The following GLOD4 variants were observed in gnomAD, a reference collection of about 807,000 sequenced individuals.
The protein encoded by GLOD4 is glyoxalase domain containing 4, also known as glyoxalase domain-containing protein 4.
GLOD4 carries 44 observed loss-of-function variants against 39.1 expected under a neutral mutation model. The observed-to-expected ratio is 1.13, with a 90% CI of 0.88 to 1.45. The LOEUF (loss-of-function observed/expected upper bound fraction) is 1.45. GLOD4 is among the 40% of genes most tolerant of loss of function. The pLI is 0.00. For missense variants in GLOD4, 405 were observed against 366.4 expected, an observed-to-expected ratio of 1.11 and a Z score of -0.86; for synonymous variants, 145 against 135.0, an observed-to-expected ratio of 1.07 and a Z score of -0.52.
intron 8 of GLOD4, among the ~76,000 whole-genome samples, chr17:765,843 CT>C (rs1281754334): frequency 6.6e-6 from 1 of 151,248 alleles, no homozygotes; most frequent in African/African-American, 2.4e-5. Context: ...CAGCTACCAG[CT>C]ACTCAGGAGG....
intron 8 of GLOD4, among the ~76,000 whole-genome samples, chr17:762,426 C>T (rs1350080167): frequency 2.6e-5 from 4 of 152,140 alleles, no homozygotes; most frequent in Admixed American, 2.0e-4. Flanking sequence ...CCCCGGCCTG[C>T]ACCTACTCAG....
intron 8 of GLOD4, among the ~76,000 whole-genome samples, chr17:762,726 G>A (rs1482317597): frequency 6.6e-6 from 1 of 151,464 alleles, no homozygotes; most frequent in Admixed American, 6.6e-5. Flanking sequence ...TGATCTTCAG[G>A]GATGAAGGGG....
At position 763,381 on chromosome 17, in the gene GLOD4, G is replaced by GCA. The variant is rs1409891069; in HGVS notation, c.832-3144_832-3143insTG. Reference sequence around the variant, plus strand: ...AAATTAGCTGGACATGGTGGCGGGTGCCTGTAATCCCAGCTACTCGGGAAT... The same window carrying GCA: ...AAATTAGCTGGACATGGTGGCGGGTGCACCTGTAATCCCAGCTACTCGGGAAT... On this transcript the variant is annotated intron_variant, in intron 8 of 8. Transcript: ENST00000301329. Among the ~76,000 whole-genome samples, 156 of 151,736 alleles carry GCA rather than the reference G, an allele frequency of 1.0e-3. 2 individuals are homozygous for GCA. The highest frequency in any genetic ancestry group is 3.7e-3 in the African/African-American group (153 of 41,400).
At chr17:768,025 T>A (rs1317750386) in intron 8 of GLOD4, among the ~76,000 whole-genome samples, 18 of 134,750 alleles carry the variant, frequency 1.3e-4, no homozygotes, top group Non-Finnish European at 2.8e-4. Flanking sequence ...GCACTCAGAT[T>A]TTTAGAAGAA....
intron 4 of GLOD4, among the ~76,000 whole-genome samples, chr17:772,324 G>A (rs980643274): frequency 6.6e-6 from 1 of 151,420 alleles, no homozygotes; most frequent in African/African-American, 2.4e-5. Flanking sequence ...ATTCCTGATG[G>A]GTTAAAAAAA....
At position 764,668 on chromosome 17, in the gene GLOD4, A is replaced by T. The variant is rs1597575783; in HGVS notation, c.832-4430T>A. ...TAAAATTGAGTATCAGTCAGCAATT[A>T]AAAAAAAAAGAGCTGTGATATGCAA... On this transcript the variant is annotated intron_variant, in intron 8 of 8. Coordinates refer to ENST00000301329, the MANE Select transcript of GLOD4 (RefSeq NM_016080.4). 5 of 149,546 alleles carry T rather than the reference A, an allele frequency of 3.3e-5. No homozygotes were observed. The Admixed American group carries it at 3.3e-4, about 10-fold the overall frequency. The allele number at this position is 149,546 out of a possible 1,614,324, so 9.3% of individuals were successfully genotyped here.
upstream of GLOD4, chr17:782,709 G>C: frequency 1.9e-6 from 3 of 1,579,514 alleles, no homozygotes; most frequent in Non-Finnish European, 1.7e-6. Flanking sequence ...TGGTTCTTGA[G>C]CCTGTCGAAT....
chr17:782,980 G>T (rs1910238279), upstream of GLOD4: 3 of 1,480,236 alleles, frequency 2.0e-6, no homozygotes, highest in Admixed American at 2.2e-5. Flanking sequence ...GAGCCACCGC[G>T]CCCGGCCCTC....
chr17:770,360 G>T, intron 6 of GLOD4, 61 bp downstream of exon 6: 1 of 897,506 alleles, frequency 1.1e-6, no homozygotes, highest in Non-Finnish European at 1.9e-6. Context: ...GAAGGACAAA[G>T]TTCTTAGCTG....
rs370566646 is a variant in GLOD4, at chr17:771,414, A to G, written c.454T>C (p.Leu152=). 4.4e-6 allele frequency: 7 copies of G among 1,584,464 alleles called. No homozygotes were observed. The African/African-American group carries it at 9.4e-5, about 21-fold the overall frequency. The change falls in exon 5 of 9, where the codon TTG becomes CTG. Residue 152 remains leucine (L), a synonymous_variant. Coordinates refer to ENST00000301329, the MANE Select transcript of GLOD4 (RefSeq NM_016080.4). The part of the protein sequence containing the change: ...TLAVSDLQKS[L]NYWCNLLGMK... ...CCCAGTAGATTACACCAGTAGTTCAAGGACTTTTGAAGATCAGACACTGCT... is the reference window on the plus strand; with the variant it reads ...CCCAGTAGATTACACCAGTAGTTCAGGGACTTTTGAAGATCAGACACTGCT...
intron 3 of GLOD4, among the ~76,000 whole-genome samples, chr17:776,578 C>T (rs1394921017): frequency 6.6e-6 from 1 of 152,204 alleles, no homozygotes; most frequent in Non-Finnish European, 1.5e-5. Flanking sequence ...TACCCCATGG[C>T]ACTGCCGACC....
chr17:768,657 A>G (rs1311068443), intron 8 of GLOD4, among the ~76,000 whole-genome samples: 1 of 140,722 alleles, frequency 7.1e-6, no homozygotes, highest in African/African-American at 2.6e-5. Context: ...AGAAATCTGG[A>G]GAGGACGTGA....
At chr17:762,526 G>A (rs1456233685) in intron 8 of GLOD4, among the ~76,000 whole-genome samples, 2 of 145,846 alleles carry the variant, frequency 1.4e-5, no homozygotes, top group African/African-American at 5.0e-5. Flanking sequence ...CAGGGATGAA[G>A]GGGAATAATT....
intron 4 of GLOD4, among the ~76,000 whole-genome samples, chr17:772,187 GAAAAAAAAAA>G (rs58914913): frequency 3.9e-5 from 2 of 50,856 alleles, no homozygotes; most frequent in South Asian, 1.9e-3. Flanking sequence ...ACCCTATCTC[GAAAAAAAAAA>G]AAAAAAAAAA....
chr17:784,472 C>T (rs1910439878), upstream of GLOD4, among the ~76,000 whole-genome samples: 1 of 151,616 alleles, frequency 6.6e-6, no homozygotes, highest in Non-Finnish European at 1.5e-5. Flanking sequence ...CAGGTGTGCT[C>T]ACAGTGGCCA....
chr17:782,576 T>C (rs201484403), upstream of GLOD4: 2 of 1,614,074 alleles, frequency 1.2e-6, no homozygotes, highest in African/African-American at 2.7e-5. Flanking sequence ...CTGAGGCCAG[T>C]GCCCAGGAGC....
At chr17:769,250 G>A (rs576498847) in intron 8 of GLOD4, among the ~76,000 whole-genome samples, 7 of 150,086 alleles carry the variant, frequency 4.7e-5, no homozygotes, top group African/African-American at 1.7e-4. Context: ...AGAGCTGAGG[G>A]GATGGGATGG....
upstream of GLOD4, chr17:782,435 C>T: frequency 6.2e-7 from 1 of 1,614,016 alleles, no homozygotes; most frequent in Non-Finnish European, 8.5e-7. Flanking sequence ...TGCAGGTGGT[C>T]CAGGCTTGGG....
intron 8 of GLOD4, among the ~76,000 whole-genome samples, chr17:761,942 T>C (rs1294317044): frequency 6.6e-6 from 1 of 152,186 alleles, no homozygotes; most frequent in Non-Finnish European, 1.5e-5. Flanking sequence ...GTTAGGGGAC[T>C]TAGGGAGGCA....
Sources: allele counts gnomAD v4.1 joint callset (sites outside exome capture counted in the v4.1 genomes callset), GRCh38; gene constraint gnomAD v4.1.1; transcripts MANE v1.5; gene names NCBI Gene and HGNC (gene_info 2026-07-23, HGNC 2026-07-21).